MTOR: variants seen among roughly 807,000 people sequenced by gnomAD.
The protein encoded by MTOR is serine/threonine-protein kinase mTOR.
MTOR carries 70 observed loss-of-function variants against 319.8 expected under a neutral mutation model. The observed-to-expected ratio is 0.22, with a 90% confidence interval of 0.18 to 0.27. The LOEUF is 0.27. Among genes scored for constraint, MTOR ranks in the 10% least tolerant of loss-of-function variants. The pLI, the probability that MTOR is intolerant of heterozygous loss-of-function variation, is 1.00. For synonymous variants in MTOR, 1,183 were observed against 1,211.4 expected, an observed-to-expected ratio of 0.98 and a Z score of 0.49; for missense variants, 1,890 against 3,274.4, an observed-to-expected ratio of 0.58 and a Z score of 10.32.
Position 11,199,212 on chromosome 1 carries a change from G to C in MTOR, c.4253+46C>G. On this transcript the variant is annotated intron_variant, in intron 28 of 57. Transcript: ENST00000361445. The surrounding 1 kb of genome is among the most constrained non-coding windows in gnomAD (Gnocchi z 4.5). ...TGGCACCAGGCAGTGGGAGAAGAGA[G>C]GTCATTTTGCATGAAGGCAGCAATT... The C allele has an allele frequency of 6.2e-7, 1 of 1,613,476 alleles. No individual in the cohort carries two copies.
At chr1:11,251,380 T>A (rs997984077) in intron 6 of MTOR, among the ~76,000 whole-genome samples, 1 of 152,240 alleles carries the variant, frequency 6.6e-6, no homozygotes, top group Non-Finnish European at 1.5e-5. Flanking sequence ...AATAGCACCG[T>A]GTTTTAAAAT....
chr1:11,127,494 G>T lies in MTOR; in HGVS notation c.6216+130C>A. Reference sequence around the variant, plus strand: ...TTTATTAAAGTCAGTGGAAAGGCCAGAGGAAAAGAAATCTGACAAAGGCCT... The same window carrying T: ...TTTATTAAAGTCAGTGGAAAGGCCATAGGAAAAGAAATCTGACAAAGGCCT... On this transcript the variant is annotated intron_variant, in intron 44 of 57. Coordinates refer to ENST00000361445, the MANE Select transcript of MTOR (RefSeq NM_004958.4). The surrounding 1 kb of genome is among the most constrained non-coding windows in gnomAD (Gnocchi z 5.5). 8.9e-7 allele frequency: 1 copy of T among 1,125,266 alleles called. No individual in the cohort carries two copies. The highest frequency in any genetic ancestry group is 1.2e-6 in the Non-Finnish European group (1 of 806,278). 69.7% of individuals were successfully genotyped at this position (1,125,266 alleles called of 1,614,324 possible). A position where few individuals can be genotyped will look rare whatever the true frequency, so the allele number is the denominator to read the frequency against.
chr1:11,159,038 C>T (rs145587941), intron 29 of MTOR, among the ~76,000 whole-genome samples: 6 of 152,172 alleles, frequency 3.9e-5, no homozygotes, highest in African/African-American at 1.2e-4. Flanking sequence ...CTAATGGCCA[C>T]CTTTGGAACC....
In MTOR at chr1:11,157,065, G is replaced by A. The variant is rs563363974; in HGVS notation, c.4469+87C>T. 2.4e-4 allele frequency: 349 copies of A among 1,470,000 alleles called. 2 individuals carry two copies. The highest frequency in any genetic ancestry group is 2.9e-4 in the Non-Finnish European group (319 of 1,100,032). The allele number at this position is 1,470,000 out of a possible 1,614,324, so 91.1% of individuals were successfully genotyped here. Reference sequence around the variant, plus strand: ...AAAATGAGTCTGAAGTGAGAACTCCGTGTGGGGGAAGCCTTCCTTTCAAAT... The same window carrying A: ...AAAATGAGTCTGAAGTGAGAACTCCATGTGGGGGAAGCCTTCCTTTCAAAT... On this transcript the variant is annotated intron_variant, in intron 30 of 57. Transcript: ENST00000361445.
chr1:11,144,888 T>TC, intron 33 of MTOR, 80 bp downstream of exon 33: 1 of 1,548,784 alleles, frequency 6.5e-7, no homozygotes, highest in Non-Finnish European at 8.9e-7. Flanking sequence ...CAGCAGCCTG[T>TC]AAGTTCTCAA....
chr1:11,148,911 T>A (rs1466848754), intron 31 of MTOR, among the ~76,000 whole-genome samples: 3 of 105,916 alleles, frequency 2.8e-5, no homozygotes, highest in African/African-American at 8.0e-5. Context: ...AAAAAAAAAT[T>A]ATGTGTGTGT....
chr1:11,157,017 TC>T, intron 30 of MTOR, 134 bp downstream of exon 30: 1 of 1,152,374 alleles, frequency 8.7e-7, no homozygotes. Flanking sequence ...GAAAGATGAT[TC>T]CTGAGAAGTA....
At chr1:11,228,252 G>A (rs556275604) in intron 19 of MTOR, among the ~76,000 whole-genome samples, 1 of 151,846 alleles carries the variant, frequency 6.6e-6, no homozygotes, top group East Asian at 1.9e-4. Flanking sequence ...ACGGTGGCTC[G>A]ATCTCAGCTC....
At chr1:11,136,933 C>T (rs973426228) in intron 36 of MTOR, among the ~76,000 whole-genome samples, 25 of 151,314 alleles carry the variant, frequency 1.7e-4, no homozygotes, top group Non-Finnish European at 3.1e-4. Context: ...CCTCTGCCTC[C>T]CAGGTTCAAG....
At chr1:11,205,180 G>C (rs1311458301) in intron 25 of MTOR, among the ~76,000 whole-genome samples, 2 of 152,168 alleles carry the variant, frequency 1.3e-5, no homozygotes, top group Non-Finnish European at 2.9e-5. Flanking sequence ...GGTAAAACAA[G>C]AAAAAGGGGT....
In MTOR at chr1:11,111,496, AAAAG is replaced by A. The variant is rs1173870056; in HGVS notation, c.7366+1352_7366+1355del. On this transcript the variant is annotated intron_variant, in intron 54 of 57. Transcript: ENST00000361445. ...ACTCTGTCTCAAGAAAAAAAAAAAAAAAAGAAAGAAAAATTACCCTTTGTCAGGT... is the reference window on the plus strand; with the variant it reads ...ACTCTGTCTCAAGAAAAAAAAAAAAAAAAGAAAAATTACCCTTTGTCAGGT... 300 of 191,568 alleles carry A rather than the reference AAAAG, an allele frequency of 1.6e-3. 2 individuals carry two copies. The highest frequency in any genetic ancestry group is 6.5e-3 in the African/African-American group (269 of 41,586). The allele number at this position is 191,568 out of a possible 1,614,324, so 11.9% of individuals were successfully genotyped here.
chr1:11,114,496 C>A, intron 52 of MTOR, 43 bp from the exon 53 acceptor site: 1 of 1,610,828 alleles, frequency 6.2e-7, no homozygotes, highest in Admixed American at 1.7e-5. Flanking sequence ...GTTACTAACT[C>A]TCCACCCAAA....
rs1242239751 is a variant in MTOR at position 11,244,622 on chromosome 1, C to T, written c.1226-1322G>A. Among the ~76,000 whole-genome samples the T allele has an allele frequency of 2.0e-5, 3 of 149,952 alleles. No homozygotes were observed. In the East Asian group the frequency reaches 5.8e-4, roughly 29 times the overall value. On this transcript the variant is annotated intron_variant, in intron 8 of 57. Coordinates refer to ENST00000361445, the MANE Select transcript of MTOR (RefSeq NM_004958.4). ...CTCCAGCCTGGGCAACAGAGCAAGA[C>T]TCTGTCTCAGAAAAACAAACAAACA...
intron 24 of MTOR, among the ~76,000 whole-genome samples, chr1:11,210,275 G>A (rs979419307): frequency 3.9e-5 from 6 of 152,076 alleles, no homozygotes; most frequent in African/African-American, 7.2e-5. Context: ...CAGCCTCCTC[G>A]GTAACTGGGA....
At chr1:11,142,022 T>TAAATA (rs1232285151) in intron 34 of MTOR, among the ~76,000 whole-genome samples, 1 of 151,050 alleles carries the variant, frequency 6.6e-6, no homozygotes, top group Non-Finnish European at 1.5e-5. Context: ...AATAAATAAA[T>TAAATA]AAATAAAATA....
intron 49 of MTOR, among the ~76,000 whole-genome samples, chr1:11,119,569 T>C (rs1642386348): frequency 1.1e-5 from 1 of 91,696 alleles, no homozygotes; most frequent in Admixed American, 1.7e-4. Context: ...AGATTCCGTC[T>C]CGAGAAAAAA....
At position 11,235,755 on chromosome 1, in the gene MTOR, G is replaced by A. The variant is rs1042072078; in HGVS notation, c.2209-1490C>T. Among the ~76,000 whole-genome samples, 3 of 152,200 alleles carry A rather than the reference G, an allele frequency of 2.0e-5. 1 individual carries two copies. Among genetic ancestry groups the A allele is most frequent in the African/African-American group, 7.2e-5 (3 of 41,540 alleles). ...TCCCAGCACTTTGGGAGGCCGAAGCGGGCAGACCATGAGGTCAAGAGATTG... is the reference window on the plus strand; with the variant it reads ...TCCCAGCACTTTGGGAGGCCGAAGCAGGCAGACCATGAGGTCAAGAGATTG... On this transcript the variant is annotated intron_variant, in intron 13 of 57. Transcript: ENST00000361445.
chr1:11,130,640 C>T lies in MTOR; in HGVS notation c.5502G>A (p.Thr1834=), dbSNP rs752875860. ...TGGCAGTGGTGGTGGCAGTGGCGGC[C>T]GTGGTGGCGGCAGTGGTGGCGTTGG... is the stretch of plus-strand genomic sequence containing the variant. ...NITNATTAAT[T]AATATTTAST... is the part of the protein sequence containing the mutation. The change falls in exon 39 of 58, where the codon ACG becomes ACA. Residue 1834 remains threonine, a synonymous_variant. Transcript: ENST00000361445. 55 of 1,613,456 alleles carry T rather than the reference C, an allele frequency of 3.4e-5. No individual in the cohort carries two copies. Among genetic ancestry groups the T allele is most frequent in the South Asian group, 2.9e-4 (26 of 90,978 alleles).
intron 36 of MTOR, 89 bp downstream of exon 36, chr1:11,139,215 T>A: frequency 6.7e-7 from 1 of 1,503,706 alleles, no homozygotes; most frequent in South Asian, 1.4e-5. Flanking sequence ...AAACACTGTT[T>A]CTTTTCTGGC....
Sources: gnomAD v4.1 joint callset for allele counts (sites outside exome capture counted in the v4.1 genomes callset) on GRCh38, gnomAD v4.1.1 for gene constraint, Gnocchi (gnomAD v3.1) non-coding constraint, MANE v1.5 for transcripts, NCBI Gene and HGNC (gene_info 2026-07-23, HGNC 2026-07-21) for gene names.